The following WWOX variants were observed in gnomAD, a reference collection of about 807,000 sequenced individuals.
The protein encoded by WWOX is WW domain containing oxidoreductase, also known as WW domain-containing oxidoreductase.
A neutral mutation model predicts 46.2 loss-of-function variants in WWOX; 69 were observed. The observed-to-expected ratio is 1.49, with a 90% CI of 1.23 to 1.82. WWOX has a LOEUF of 1.82. Ranked by LOEUF, WWOX falls within the 40% of genes most tolerant of loss-of-function variation. The pLI is 0.00. For missense variants in WWOX, 919 were observed against 542.6 expected (o/e 1.69, Z -6.89); for synonymous variants, 359 against 202.6 (o/e 1.77, Z -6.56).
At chr16:78,595,515 A>G (rs1392287475) in intron 8 of WWOX, among the ~76,000 whole-genome samples, 1 of 152,170 alleles carries the variant, frequency 6.6e-6, no homozygotes. Flanking sequence ...TATGTACAAG[A>G]CCACATCTCT....
intron 8 of WWOX, among the ~76,000 whole-genome samples, chr16:78,488,271 C>T (rs2084689022): frequency 6.6e-6 from 1 of 152,132 alleles, no homozygotes; most frequent in African/African-American, 2.4e-5. Flanking sequence ...ATGTGAATTT[C>T]AGGATTATTC....
chr16:78,922,513 G>C (rs190934176), intron 8 of WWOX, among the ~76,000 whole-genome samples: 1 of 151,946 alleles, frequency 6.6e-6, no homozygotes, highest in South Asian at 2.1e-4. Flanking sequence ...TGAGTCACTG[G>C]GATTACAGGC....
chr16:78,930,004 C>T (rs548020473), intron 8 of WWOX, among the ~76,000 whole-genome samples: 3 of 152,248 alleles, frequency 2.0e-5, no homozygotes, highest in East Asian at 1.9e-4. Flanking sequence ...TGACCCAGTT[C>T]TAGCGAATGG....
chr16:78,124,209 C>T (rs1273990265), intron 4 of WWOX: 2 of 151,846 alleles, frequency 1.3e-5, no homozygotes, highest in African/African-American at 4.8e-5. Flanking sequence ...TTTGAAAATG[C>T]AAGAGCCTGA....
chr16:79,183,070 T>C (rs1269332304), intron 8 of WWOX, among the ~76,000 whole-genome samples: 4 of 152,198 alleles, frequency 2.6e-5, no homozygotes, highest in African/African-American at 9.6e-5. Flanking sequence ...GGTGCTCTTC[T>C]CTGGCAACCC....
chr16:78,317,867 C>G (rs1305162139), intron 5 of WWOX, among the ~76,000 whole-genome samples: 1 of 152,208 alleles, frequency 6.6e-6, no homozygotes, highest in African/African-American at 2.4e-5. Flanking sequence ...CATTTTCACT[C>G]CCCGTAAACA....
intron 8 of WWOX, among the ~76,000 whole-genome samples, chr16:78,952,384 G>GTTT (rs11449740): frequency 3.8e-4 from 54 of 141,856 alleles, no homozygotes; most frequent in African/African-American, 9.8e-4. Context: ...TGTTTTTTGA[G>GTTT]TTTTTTTTTT....
chr16:78,828,523 G>C (rs1321607570), intron 8 of WWOX, among the ~76,000 whole-genome samples: 1 of 151,500 alleles, frequency 6.6e-6, no homozygotes, highest in Non-Finnish European at 1.5e-5. Context: ...ATTATCATTA[G>C]TATATAATTA....
intron 8 of WWOX, among the ~76,000 whole-genome samples, chr16:78,726,147 C>T (rs559261251): frequency 1.6e-4 from 22 of 137,470 alleles, no homozygotes; most frequent in East Asian, 4.7e-4. Context: ...TTTTCTCTTT[C>T]TCTCTTTCTC....
intron 8 of WWOX, among the ~76,000 whole-genome samples, chr16:78,780,090 G>A (rs946475513): frequency 1.3e-5 from 2 of 152,148 alleles, no homozygotes; most frequent in Admixed American, 6.5e-5. Context: ...TGTGGCCATG[G>A]TTCTCGTACT....
At chr16:78,820,319 G>A (rs1226085150) in intron 8 of WWOX, among the ~76,000 whole-genome samples, 6 of 152,196 alleles carry the variant, frequency 3.9e-5, no homozygotes, top group Admixed American at 6.5e-5. Flanking sequence ...TACTGAAGAC[G>A]TTGCATGCCC....
intron 8 of WWOX, among the ~76,000 whole-genome samples, chr16:78,734,989 C>T (rs1025403183): frequency 6.0e-5 from 9 of 150,778 alleles, no homozygotes; most frequent in African/African-American, 2.2e-4. Context: ...CCTCAGCCTT[C>T]CCGAGTAGCT....
At chr16:78,815,528 C>T (rs1490292009) in intron 8 of WWOX, among the ~76,000 whole-genome samples, 3 of 152,102 alleles carry the variant, frequency 2.0e-5, no homozygotes, top group Non-Finnish European at 4.4e-5. Context: ...AGGACCCTGA[C>T]CAAGAATTTG....
At chr16:78,888,977 C>T (rs954825522) in intron 8 of WWOX, among the ~76,000 whole-genome samples, 1 of 152,022 alleles carries the variant, frequency 6.6e-6, no homozygotes, top group Non-Finnish European at 1.5e-5. Context: ...GAAAGCTTCC[C>T]TGGTCAGTCC....
At chr16:78,682,606 T>C (rs942360605) in intron 8 of WWOX, among the ~76,000 whole-genome samples, 11 of 152,268 alleles carry the variant, frequency 7.2e-5, no homozygotes, top group Admixed American at 2.0e-4. Flanking sequence ...AGGCCACATG[T>C]GGTGGTTCAC....
chr16:78,477,610 T>C (rs1163183598), intron 8 of WWOX, among the ~76,000 whole-genome samples: 2 of 150,624 alleles, frequency 1.3e-5, no homozygotes, highest in African/African-American at 5.0e-5. Flanking sequence ...TAATGTGAGA[T>C]TTTATTTTTT....
intron 5 of WWOX, among the ~76,000 whole-genome samples, chr16:78,343,480 C>G (rs72794031): frequency 0.013 from 1,585 of 120,570 alleles, 475 homozygotes; most frequent in South Asian, 0.026. Flanking sequence ...TTTTCAGATT[C>G]CTCGCCTCTC....
chr16:78,883,472 C>A (rs529425292), intron 8 of WWOX, among the ~76,000 whole-genome samples: 24 of 152,236 alleles, frequency 1.6e-4, no homozygotes, highest in African/African-American at 5.5e-4. Flanking sequence ...GCCCGAAATC[C>A]CAGCATTGCG....
At chr16:78,945,253 G>A (rs554679792) in intron 8 of WWOX, among the ~76,000 whole-genome samples, 1 of 152,244 alleles carries the variant, frequency 6.6e-6, no homozygotes, top group Admixed American at 6.5e-5. Flanking sequence ...AATAACAGTG[G>A]CACCAGTTCT....
Sources: allele counts gnomAD v4.1 joint callset (sites outside exome capture counted in the v4.1 genomes callset), GRCh38; gene constraint gnomAD v4.1.1; transcripts MANE v1.5; gene names NCBI Gene and HGNC (gene_info 2026-07-23, HGNC 2026-07-21).